The following CAMTA1 variants were observed in gnomAD, a reference collection of about 807,000 sequenced individuals.
The protein encoded by CAMTA1 is calmodulin binding transcription activator 1.
In CAMTA1, 27 loss-of-function variants were observed where a neutral mutation model predicts 170.9. That is an observed-to-expected ratio of 0.16 (90% CI 0.12 to 0.22). The LOEUF (loss-of-function observed/expected upper bound fraction) is 0.22. CAMTA1 is among the 10% of genes least tolerant of loss of function. The probability of loss-of-function intolerance (pLI) is 1.00; values close to 1 mark genes in which losing one functional copy is unlikely to be tolerated. For missense variants in CAMTA1, 1,619 were observed against 2,217.2 expected, an observed-to-expected ratio of 0.73 and a Z score of 5.42; for synonymous variants, 833 against 891.5, an observed-to-expected ratio of 0.93 and a Z score of 1.17.
At chr1:6,901,467 T>C (rs1389194742) in intron 3 of CAMTA1, among the ~76,000 whole-genome samples, 1 of 152,192 alleles carries the variant, frequency 6.6e-6, no homozygotes, top group East Asian at 1.9e-4. Flanking sequence ...GAGGAACCTT[T>C]GTAAAACATA....
At chr1:7,322,396 TATG>T (rs1334601878) in intron 5 of CAMTA1, among the ~76,000 whole-genome samples, 20 of 152,270 alleles carry the variant, frequency 1.3e-4, no homozygotes, top group Admixed American at 1.3e-3. Context: ...TTACTAGCCA[TATG>T]ATCTCTGTTG....
At chr1:7,488,574 C>G (rs952937649) in intron 6 of CAMTA1, among the ~76,000 whole-genome samples, 3 of 152,090 alleles carry the variant, frequency 2.0e-5, no homozygotes, top group African/African-American at 7.2e-5. Flanking sequence ...GCACATACAT[C>G]TGTACACATG....
chr1:7,611,902 G>A (rs931226348), intron 6 of CAMTA1, among the ~76,000 whole-genome samples: 14 of 152,220 alleles, frequency 9.2e-5, no homozygotes, highest in South Asian at 2.1e-4. Context: ...CCCTGACCCC[G>A]TCAAGAGACT....
At chr1:6,852,550 C>G (rs1660801846) in intron 3 of CAMTA1, among the ~76,000 whole-genome samples, 1 of 152,150 alleles carries the variant, frequency 6.6e-6, no homozygotes, top group African/African-American at 2.4e-5. Context: ...GAATGGCTCA[C>G]AAAACAGGGA....
At chr1:7,557,916 C>T (rs1203148137) in intron 6 of CAMTA1, among the ~76,000 whole-genome samples, 1 of 152,144 alleles carries the variant, frequency 6.6e-6, no homozygotes, top group Non-Finnish European at 1.5e-5. Context: ...CAGTGGACAG[C>T]GGGGTGGGGG....
chr1:6,935,775 A>G (rs1258111362), intron 3 of CAMTA1, among the ~76,000 whole-genome samples: 1 of 152,212 alleles, frequency 6.6e-6, no homozygotes, highest in African/African-American at 2.4e-5. Context: ...GTGGATGCTC[A>G]TGTTTCTGCT....
At chr1:7,267,675 T>C (rs1409220086) in intron 5 of CAMTA1, among the ~76,000 whole-genome samples, 1 of 152,162 alleles carries the variant, frequency 6.6e-6, no homozygotes, top group Non-Finnish European at 1.5e-5. Context: ...AATAAACAAA[T>C]CTGTGGTAGG....
intron 3 of CAMTA1, among the ~76,000 whole-genome samples, chr1:6,858,927 A>T (rs1216741040): frequency 1.3e-5 from 2 of 152,236 alleles, no homozygotes; most frequent in African/African-American, 2.4e-5. Context: ...TTACATATTA[A>T]TGAAGAAAGG....
At chr1:6,910,459 C>G (rs1219275144) in intron 3 of CAMTA1, among the ~76,000 whole-genome samples, 3 of 152,202 alleles carry the variant, frequency 2.0e-5, no homozygotes, top group Non-Finnish European at 4.4e-5. Flanking sequence ...TTCATTCCCT[C>G]TACTGAAATG....
At chr1:7,279,010 A>T (rs528220000) in intron 5 of CAMTA1, among the ~76,000 whole-genome samples, 1 of 151,882 alleles carries the variant, frequency 6.6e-6, no homozygotes, top group South Asian at 2.1e-4. Context: ...AGGGGAAGGC[A>T]TTTGGTGGGG....
Position 6,958,775 on chromosome 1 carries a change from G to T in CAMTA1, c.235-132529G>T, listed in dbSNP as rs565740309. Among the ~76,000 whole-genome samples, 4 of 152,180 alleles carry T rather than the reference G, an allele frequency of 2.6e-5. No individual in the cohort carries two copies. In the East Asian group the frequency reaches 7.7e-4, roughly 29 times the overall value. On this transcript the variant is annotated intron_variant, in intron 3 of 22. Transcript: ENST00000303635. ...TATTTATTTTTTTTAATTAAGCTGC[G>T]TTGCTGTGTGGCTCACCCTCCACAG...
chr1:6,994,858 G>C (rs183656474), intron 3 of CAMTA1, among the ~76,000 whole-genome samples: 256 of 152,174 alleles, frequency 1.7e-3, no homozygotes, highest in African/African-American at 5.9e-3. Flanking sequence ...TGTAGAGACA[G>C]AGTTTCGCCA....
intron 19 of CAMTA1, chr1:7,749,643 G>T (rs985478476): frequency 2.9e-6 from 1 of 350,392 alleles, no homozygotes; most frequent in African/African-American, 2.2e-5. Context: ...TTGGAAGATG[G>T]AAGGCATTAA....
chr1:7,616,372 C>G (rs2095558760), intron 6 of CAMTA1, among the ~76,000 whole-genome samples: 1 of 152,236 alleles, frequency 6.6e-6, no homozygotes, highest in Non-Finnish European at 1.5e-5. Context: ...GAGCCCACGT[C>G]TTGGGTAGTC....
At chr1:6,943,176 CT>C (rs1686960052) in intron 3 of CAMTA1, among the ~76,000 whole-genome samples, 1 of 152,010 alleles carries the variant, frequency 6.6e-6, no homozygotes. Flanking sequence ...CCCTCCTCCC[CT>C]CCTCCCCTCC....
In CAMTA1 at chr1:7,539,697, A is replaced by G. The variant is rs547715717; in HGVS notation, c.510+71796A>G. Among the ~76,000 whole-genome samples, 6 of 152,356 alleles carry G rather than the reference A, an allele frequency of 3.9e-5. 1 individual carries two copies. In the South Asian group the frequency reaches 1.0e-3, roughly 26 times the overall value. On this transcript the variant is annotated intron_variant, in intron 6 of 22. Coordinates refer to ENST00000303635, the MANE Select transcript of CAMTA1 (RefSeq NM_015215.4). ...ACAGAATTGGCTACATCACACATGCATGGTGGAGTCTGCCCACCTCCAAGA... is the reference window on the plus strand; with the variant it reads ...ACAGAATTGGCTACATCACACATGCGTGGTGGAGTCTGCCCACCTCCAAGA...
chr1:6,956,054 T>C (rs982544027), intron 3 of CAMTA1, among the ~76,000 whole-genome samples: 3 of 152,172 alleles, frequency 2.0e-5, no homozygotes, highest in Admixed American at 2.0e-4. Flanking sequence ...AGATACGTAC[T>C]GAGCGTCGCC....
At chr1:7,557,238 G>A (rs371379613) in intron 6 of CAMTA1, among the ~76,000 whole-genome samples, 10 of 151,806 alleles carry the variant, frequency 6.6e-5, no homozygotes, top group African/African-American at 7.3e-5. Flanking sequence ...AACCAGGGAC[G>A]TGGAGGTTGT....
chr1:7,304,985 A>C (rs1675364507), intron 5 of CAMTA1, among the ~76,000 whole-genome samples: 1 of 152,004 alleles, frequency 6.6e-6, no homozygotes, highest in Non-Finnish European at 1.5e-5. Flanking sequence ...TTTTTTTCTT[A>C]ATTTAAATCT....
Sources: gnomAD v4.1 joint callset for allele counts (sites outside exome capture counted in the v4.1 genomes callset) on GRCh38, gnomAD v4.1.1 for gene constraint, MANE v1.5 for transcripts, NCBI Gene and HGNC (gene_info 2026-07-23, HGNC 2026-07-21) for gene names.